SUFU: variants seen among roughly 807,000 people sequenced by gnomAD.
SUFU encodes SUFU negative regulator of hedgehog signaling, also known as suppressor of fused homolog.
A neutral mutation model predicts 58.9 loss-of-function variants in SUFU; 7 were observed. The observed-to-expected ratio is 0.12, with a 90% confidence interval of 0.07 to 0.22. The LOEUF is 0.22. Among genes scored for constraint, SUFU ranks in the 10% least tolerant of loss-of-function variants. The pLI is 1.00. For missense variants in SUFU, 451 were observed against 641.3 expected, an observed-to-expected ratio of 0.70 and a Z score of 3.20; for synonymous variants, 232 against 254.8, an observed-to-expected ratio of 0.91 and a Z score of 0.85.
At chr10:102,565,568 G>A (rs1306832050) in intron 3 of SUFU, among the ~76,000 whole-genome samples, 3 of 152,108 alleles carry the variant, frequency 2.0e-5, no homozygotes, top group African/African-American at 7.2e-5. Flanking sequence ...TTTTTGAGAC[G>A]GAGTCTCGCT....
intron 1 of SUFU, among the ~76,000 whole-genome samples, chr10:102,507,510 C>A (rs558132476): frequency 6.6e-6 from 1 of 152,190 alleles, no homozygotes; most frequent in Non-Finnish European, 1.5e-5. Flanking sequence ...TTGTTGAAAT[C>A]AGTTAAGGCA....
intron 10 of SUFU, among the ~76,000 whole-genome samples, chr10:102,621,094 G>A (rs551710276): frequency 1.3e-5 from 2 of 152,298 alleles, no homozygotes; most frequent in Admixed American, 1.3e-4. Context: ...GGAAGGTGCT[G>A]CCGAGCTCTC....
chr10:102,574,191 T>C (rs945083839), intron 3 of SUFU, among the ~76,000 whole-genome samples: 2 of 152,092 alleles, frequency 1.3e-5, no homozygotes, highest in African/African-American at 4.8e-5. Flanking sequence ...TCTGCCACAT[T>C]TCCTAAAACT....
At chr10:102,568,375 T>C (rs1361275130) in intron 3 of SUFU, among the ~76,000 whole-genome samples, 2 of 152,196 alleles carry the variant, frequency 1.3e-5, no homozygotes, top group African/African-American at 4.8e-5. Flanking sequence ...GACTCTCTTA[T>C]AATAAGCCTA....
chr10:102,537,424 C>G (rs1297016380), intron 2 of SUFU, among the ~76,000 whole-genome samples: 1 of 152,160 alleles, frequency 6.6e-6, no homozygotes, highest in African/African-American at 2.4e-5. Flanking sequence ...ATCCACTGCA[C>G]CCAGCCCAAA....
At chr10:102,511,135 AAAGT>A (rs1425029994) in intron 2 of SUFU, among the ~76,000 whole-genome samples, 19 of 129,326 alleles carry the variant, frequency 1.5e-4, no homozygotes, top group African/African-American at 5.4e-4. Flanking sequence ...AAAAAAAAAA[AAAGT>A]AATAATAATA....
intron 3 of SUFU, among the ~76,000 whole-genome samples, chr10:102,552,710 T>C (rs541607258): frequency 7.2e-5 from 11 of 152,334 alleles, no homozygotes; most frequent in African/African-American, 2.6e-4. Context: ...TTGCTAGAGA[T>C]AAAGGCTAAA....
chr10:102,527,498 G>T (rs372253401), intron 2 of SUFU, among the ~76,000 whole-genome samples: 86 of 148,330 alleles, frequency 5.8e-4, no homozygotes, highest in African/African-American at 2.1e-3. Context: ...ATACCATTAA[G>T]ATATATATAT....
chr10:102,631,604 G>C lies in SUFU; in HGVS notation c.*1449G>C, dbSNP rs2063837736. On this transcript the variant is annotated 3_prime_UTR_variant, in exon 12 of 12. Coordinates refer to ENST00000369902, the MANE Select transcript of SUFU (RefSeq NM_016169.4). ...GCAGGGCTCCTCATTGCTCCCATCT[G>C]CCTCTGCTGCACACACAGGCACCAG... 4.3e-6 allele frequency: 1 copy of C among 233,476 alleles called. No homozygotes were observed. The highest frequency in any genetic ancestry group is 8.5e-6 in the Non-Finnish European group (1 of 118,334). The allele number at this position is 233,476 out of a possible 1,614,324, so 14.5% of individuals were successfully genotyped here.
intron 3 of SUFU, among the ~76,000 whole-genome samples, chr10:102,574,816 G>A (rs1057158710): frequency 1.3e-5 from 2 of 152,086 alleles, no homozygotes; most frequent in East Asian, 3.9e-4. Flanking sequence ...CAGCACTTTG[G>A]GAGGCCAAGG....
intron 3 of SUFU, among the ~76,000 whole-genome samples, chr10:102,577,873 G>T (rs1482513721): frequency 6.8e-6 from 1 of 147,924 alleles, no homozygotes; most frequent in South Asian, 2.1e-4. Context: ...AGTAGAGATG[G>T]GGTTTCACCA....
intron 8 of SUFU, among the ~76,000 whole-genome samples, chr10:102,614,931 C>G (rs1422116454): frequency 6.6e-6 from 1 of 151,682 alleles, no homozygotes; most frequent in African/African-American, 2.4e-5. Context: ...TTTATAGAAT[C>G]AGACCTGCCC....
rs1459119023 is a variant in SUFU at position 102,625,232 on chromosome 10, C to T, written c.1297-1943C>T. Reference sequence around the variant, plus strand: ...TATGGCTGGAGTCTGTGGGCAGAGTCGGCCAGTCCCACTTTGGGGAATTAG... The same window carrying T: ...TATGGCTGGAGTCTGTGGGCAGAGTTGGCCAGTCCCACTTTGGGGAATTAG... On this transcript the variant is annotated intron_variant, in intron 10 of 11. Transcript: ENST00000369902. The surrounding 1 kb of genome is among the most constrained non-coding windows in gnomAD (Gnocchi z 4.7). 3.3e-5 allele frequency among the ~76,000 whole-genome samples: 5 copies of T among 152,114 alleles called. No individual in the cohort carries two copies. The highest frequency in any genetic ancestry group is 3.9e-4 in the East Asian group (2 of 5,192).
In SUFU at chr10:102,631,937, G is replaced by C; in HGVS notation, c.*1782G>C. ...GGCAGCTGTGCCTCTACTGCCCTGA[G>C]GACTTACCAGAGGGAGCCCTACTGG... On this transcript the variant is annotated 3_prime_UTR_variant, in exon 12 of 12. Coordinates refer to ENST00000369902, the MANE Select transcript of SUFU (RefSeq NM_016169.4). The C allele has an allele frequency of 4.3e-6, 1 of 233,298 alleles. No individual in the cohort carries two copies. Among genetic ancestry groups the C allele is most frequent in the Non-Finnish European group, 8.5e-6 (1 of 118,068 alleles). The allele number at this position is 233,298 out of a possible 1,614,324, so 14.5% of individuals were successfully genotyped here. A position where few individuals can be genotyped will look rare whatever the true frequency, so the allele number is the denominator to read the frequency against.
intron 2 of SUFU, among the ~76,000 whole-genome samples, chr10:102,546,916 T>G (rs1358601193): frequency 6.6e-6 from 1 of 152,200 alleles, no homozygotes; most frequent in African/African-American, 2.4e-5. Flanking sequence ...AGGCAGATGG[T>G]GGACACATGC....
At chr10:102,504,415 G>C in intron 1 of SUFU, 81 bp downstream of exon 1, 1 of 1,579,894 alleles carries the variant, frequency 6.3e-7, no homozygotes, top group Non-Finnish European at 8.6e-7. Context: ...TTTGTGGGAG[G>C]TGGGAGGAGG....
At chr10:102,572,897 A>G (rs948535301) in intron 3 of SUFU, 8 of 835,440 alleles carry the variant, frequency 9.6e-6, no homozygotes, top group African/African-American at 6.6e-5. Flanking sequence ...TTCACAGCCT[A>G]TTTGATCTGG....
intron 6 of SUFU, among the ~76,000 whole-genome samples, chr10:102,595,072 A>G (rs1204742216): frequency 1.3e-5 from 2 of 152,182 alleles, no homozygotes; most frequent in Non-Finnish European, 2.9e-5. Context: ...CAGACAGCTA[A>G]TAATGTTACC....
At chr10:102,524,884 C>T (rs1203015867) in intron 2 of SUFU, among the ~76,000 whole-genome samples, 1 of 152,074 alleles carries the variant, frequency 6.6e-6, no homozygotes, top group African/African-American at 2.4e-5. Flanking sequence ...GGGGTTTTTC[C>T]GACTGTTGGA....
Sources: gnomAD v4.1 joint callset for allele counts (sites outside exome capture counted in the v4.1 genomes callset) on GRCh38, gnomAD v4.1.1 for gene constraint, Gnocchi (gnomAD v3.1) non-coding constraint, MANE v1.5 for transcripts, NCBI Gene and HGNC (gene_info 2026-07-23, HGNC 2026-07-21) for gene names.